The following MEGF10 variants were observed in gnomAD, a reference collection of about 807,000 sequenced individuals.
The protein encoded by MEGF10 is multiple EGF like domains 10, also known as multiple epidermal growth factor-like domains protein 10.
Under a neutral mutation model 147.5 loss-of-function variants are expected in MEGF10, and 86 were observed. The observed-to-expected ratio is 0.58, with a 90% CI of 0.49 to 0.70. The LOEUF (loss-of-function observed/expected upper bound fraction) is 0.70, where lower values mean the gene tolerates loss of function less well. MEGF10 is among the 30% of genes least tolerant of loss of function. The pLI is 0.00. For missense variants in MEGF10, 1,329 were observed against 1,487.3 expected (o/e 0.89, Z 1.75); for synonymous variants, 478 against 525.5 (o/e 0.91, Z 1.24).
intron 17 of MEGF10, among the ~76,000 whole-genome samples, chr5:127,439,539 T>A (rs922459274): frequency 6.6e-6 from 1 of 152,238 alleles, no homozygotes; most frequent in African/African-American, 2.4e-5. Context: ...GGAAGGTAGC[T>A]GGCCCAAGCA....
At chr5:127,306,189 G>C (rs561653236) in intron 1 of MEGF10, among the ~76,000 whole-genome samples, 5 of 152,168 alleles carry the variant, frequency 3.3e-5, no homozygotes, top group African/African-American at 9.7e-5. Flanking sequence ...TTAGGGCCCC[G>C]GTGCCGTGTG....
intron 5 of MEGF10, among the ~76,000 whole-genome samples, chr5:127,390,353 A>T (rs1580802889): frequency 6.6e-6 from 1 of 151,982 alleles, no homozygotes; most frequent in East Asian, 1.9e-4. Flanking sequence ...TCAGTAGAGC[A>T]ATCACGACTC....
Position 127,341,205 on chromosome 5 carries a change from A to T in MEGF10, c.319+575A>T, listed in dbSNP as rs554633761. ...CTTGAGAGAAGTTTCGTATCTTATG[A>T]CACACTTCAGAGAATCCTAGAATAT... is the stretch of plus-strand genomic sequence containing the variant. On this transcript the variant is annotated intron_variant, in intron 4 of 24. Coordinates refer to ENST00000503335, the MANE Select transcript of MEGF10 (RefSeq NM_001256545.2). Among the ~76,000 whole-genome samples the T allele has an allele frequency of 2.6e-5, 4 of 152,290 alleles. No homozygotes were observed. In the East Asian group the frequency reaches 7.7e-4, roughly 29 times the overall value.
the MEGF10 span, among the ~76,000 whole-genome samples, chr5:127,243,013 T>A: frequency 6.6e-6 from 1 of 152,194 alleles, no homozygotes; most frequent in Non-Finnish European, 1.5e-5. Context: ...TATCTGTCCC[T>A]GGAGGCAAAA....
intron 5 of MEGF10, among the ~76,000 whole-genome samples, chr5:127,371,191 C>G (rs12657844): frequency 0.021 from 2,701 of 126,292 alleles, 144 homozygotes; most frequent in East Asian, 0.15. Context: ...GGGACTGGGA[C>G]TGTGTGTGTG....
the MEGF10 span, among the ~76,000 whole-genome samples, chr5:127,267,182 T>C: frequency 6.6e-6 from 1 of 152,370 alleles, no homozygotes; most frequent in Non-Finnish European, 1.5e-5. Flanking sequence ...GAGATAATCA[T>C]GTGGTTTTTG....
the MEGF10 span, among the ~76,000 whole-genome samples, chr5:127,275,057 A>G: frequency 6.6e-6 from 1 of 152,230 alleles, no homozygotes; most frequent in Non-Finnish European, 1.5e-5. Context: ...TGAAAGAATG[A>G]AAGTCTGTTG....
chr5:127,460,959 C>A lies in MEGF10; in HGVS notation c.*3641C>A, dbSNP rs1011845166. 5 of 152,120 alleles carry A rather than the reference C, an allele frequency of 3.3e-5. No homozygotes were observed. Among genetic ancestry groups the A allele is most frequent in the South Asian group, 2.1e-4 (1 of 4,824 alleles). 9.4% of individuals were successfully genotyped at this position (152,120 alleles called of 1,614,324 possible). A position where few individuals can be genotyped will look rare whatever the true frequency, so the allele number is the denominator to read the frequency against. On this transcript the variant is annotated 3_prime_UTR_variant, in exon 25 of 25. Coordinates refer to ENST00000503335, the MANE Select transcript of MEGF10 (RefSeq NM_001256545.2). ...TTTAGAGTCCTGTTAATATTGATGT[C>A]CTAACACTGGGTCTGCTTATGCTAG... is the stretch of plus-strand genomic sequence containing the variant.
At chr5:127,251,369 CTT>C in the MEGF10 span, among the ~76,000 whole-genome samples, 1 of 151,934 alleles carries the variant, frequency 6.6e-6, no homozygotes, top group Admixed American at 6.6e-5. Flanking sequence ...TACTTAAACT[CTT>C]TGTGCCTTGG....
At chr5:127,417,917 G>T in intron 10 of MEGF10, 105 bp downstream of exon 10, 1 of 1,155,654 alleles carries the variant, frequency 8.7e-7, no homozygotes, top group Non-Finnish European at 1.2e-6. Context: ...ATGTGCTAAA[G>T]TCATCCACAT....
chr5:127,360,425 A>G (rs1220394587), intron 4 of MEGF10, among the ~76,000 whole-genome samples: 1 of 151,944 alleles, frequency 6.6e-6, no homozygotes, highest in Non-Finnish European at 1.5e-5. Context: ...TAGTCTGTAA[A>G]TTAAGGCAGT....
intron 1 of MEGF10, among the ~76,000 whole-genome samples, chr5:127,323,816 C>G (rs80036597): frequency 0.015 from 2,225 of 152,244 alleles, 61 homozygotes; most frequent in East Asian, 0.11. Context: ...AAAGGTTTAA[C>G]AGGGGCTAGA....
intron 17 of MEGF10, 48 bp from the exon 18 acceptor site, chr5:127,440,691 T>C (rs1176426265): frequency 6.2e-7 from 1 of 1,601,904 alleles, no homozygotes; most frequent in Admixed American, 1.7e-5. Flanking sequence ...CTCCAAGTGT[T>C]TCTCTTCAGC....
chr5:127,418,712 A>G (rs1279773796), intron 10 of MEGF10, among the ~76,000 whole-genome samples: 1 of 152,218 alleles, frequency 6.6e-6, no homozygotes, highest in Admixed American at 6.5e-5. Context: ...ATATCATACA[A>G]GGATATCTAG....
chr5:127,348,527 C>T (rs973675939), intron 4 of MEGF10, among the ~76,000 whole-genome samples: 1 of 152,044 alleles, frequency 6.6e-6, no homozygotes, highest in Admixed American at 6.6e-5. Flanking sequence ...ATTTGTTAAA[C>T]GTGAAGTTTG....
intron 8 of MEGF10, among the ~76,000 whole-genome samples, chr5:127,406,523 G>T (rs1237294658): frequency 2.6e-5 from 4 of 152,178 alleles, no homozygotes; most frequent in African/African-American, 9.7e-5. Context: ...GCCTTGATAG[G>T]CTGGGGTCTT....
intron 5 of MEGF10, among the ~76,000 whole-genome samples, chr5:127,384,073 TC>T (rs996449112): frequency 2.0e-5 from 3 of 152,166 alleles, no homozygotes; most frequent in African/African-American, 7.2e-5. Flanking sequence ...AAACCTTCTC[TC>T]CCCCTCCTTT....
At chr5:127,349,172 A>G (rs1259968469) in intron 4 of MEGF10, among the ~76,000 whole-genome samples, 3 of 152,172 alleles carry the variant, frequency 2.0e-5, no homozygotes, top group African/African-American at 7.2e-5. Flanking sequence ...AAAACTAAAA[A>G]TATGAACGCT....
At chr5:127,417,288 G>T (rs1423061905) in intron 9 of MEGF10, among the ~76,000 whole-genome samples, 1 of 152,162 alleles carries the variant, frequency 6.6e-6, no homozygotes, top group Non-Finnish European at 1.5e-5. Context: ...TAACTGGTTT[G>T]GTATTGTCCA....
Sources: allele counts gnomAD v4.1 joint callset (sites outside exome capture counted in the v4.1 genomes callset), GRCh38; gene constraint gnomAD v4.1.1; transcripts MANE v1.5; gene names NCBI Gene and HGNC (gene_info 2026-07-23, HGNC 2026-07-21).